Variants in RP1 observed in about 807,000 individuals in gnomAD.
The protein encoded by RP1 is RP1 axonemal microtubule associated, also known as oxygen-regulated protein 1.
A neutral mutation model predicts 14.8 loss-of-function variants in RP1; 16 were observed. The observed-to-expected ratio is 1.08, with a 90% confidence interval of 0.73 to 1.65. RP1 has a LOEUF of 1.65. RP1 is among the 40% of genes most tolerant of loss of function. RP1 has a pLI of 0.00. For synonymous variants in RP1, 876 were observed against 883.6 expected (o/e 0.99, Z 0.15); for missense variants, 2,631 against 2,535.0 (o/e 1.04, Z -0.81).
intron 12 of RP1, among the ~76,000 whole-genome samples, chr8:54,693,199 C>G (rs189516085): frequency 1.2e-3 from 185 of 152,266 alleles, no homozygotes; most frequent in Non-Finnish European, 2.2e-3. Context: ...GTACCATTAC[C>G]ATGCCGTTTT....
At chr8:54,796,869 G>A (rs1390470449) in intron 24 of RP1, among the ~76,000 whole-genome samples, 1 of 152,142 alleles carries the variant, frequency 6.6e-6, no homozygotes, top group Non-Finnish European at 1.5e-5. Context: ...GAACGAAAAT[G>A]GAAAGAAAAT....
chr8:54,777,639 G>T (rs1810075310), intron 23 of RP1, among the ~76,000 whole-genome samples: 1 of 151,916 alleles, frequency 6.6e-6, no homozygotes, highest in South Asian at 2.1e-4. Context: ...TATTTGTAAA[G>T]CACTTAAAAA....
At chr8:54,733,158 G>A (rs1030396683) in intron 17 of RP1, among the ~76,000 whole-genome samples, 1 of 152,148 alleles carries the variant, frequency 6.6e-6, no homozygotes, top group Non-Finnish European at 1.5e-5. Flanking sequence ...AAGTGCAGGT[G>A]CGTTGCAGTT....
At position 54,706,588 on chromosome 8, in the gene RP1, G is replaced by A. The variant is rs551530968; in HGVS notation, c.2144G>A (p.Cys715Tyr). ...GTGCATAAAATCAGCTCTGGGATTT[G>A]CATGTTTGAAAGTGTGAAAAATGCA... The change falls in exon 15 of 23, where the codon TGC becomes TAC. Residue 715 changes from cysteine to tyrosine, a missense_variant. By Grantham distance (194) the Cys-to-Tyr change is radical. Coordinates refer to the RP1 transcript ENST00000636932. 7 of 1,536,074 alleles carry A rather than the reference G, an allele frequency of 4.6e-6. No homozygotes were observed. In the African/African-American group the frequency reaches 5.5e-5, roughly 12 times the overall value.
chr8:54,693,426 A>C (rs1237982179), intron 12 of RP1, among the ~76,000 whole-genome samples: 1 of 152,032 alleles, frequency 6.6e-6, no homozygotes, highest in East Asian at 1.9e-4. Flanking sequence ...CCATTTTCAC[A>C]ATATTGATTC....
At position 54,708,890 on chromosome 8, in the gene RP1, T is replaced by C. The variant is rs368820392; in HGVS notation, c.2211+2235T>C. ...GATGGGGCTGAGGGACTGGAAGAAGTCCTTGGCATTCAATTGAAAGAATCT... is the reference window on the plus strand; with the variant it reads ...GATGGGGCTGAGGGACTGGAAGAAGCCCTTGGCATTCAATTGAAAGAATCT... On this transcript the variant is annotated intron_variant, in intron 15 of 22. Coordinates refer to the RP1 transcript ENST00000636932. Among the ~76,000 whole-genome samples, 35 of 152,304 alleles carry C rather than the reference T, an allele frequency of 2.3e-4. No individual in the cohort carries two copies. In the East Asian group the frequency reaches 5.6e-3, roughly 24 times the overall value.
chr8:54,562,334 A>G (rs955885669), intron 1 of RP1, among the ~76,000 whole-genome samples: 2 of 152,252 alleles, frequency 1.3e-5, no homozygotes, highest in African/African-American at 2.4e-5. Flanking sequence ...CAGAGAACGC[A>G]TGCCTGAGGC....
chr8:54,764,227 C>T (rs528877889), intron 22 of RP1, among the ~76,000 whole-genome samples: 2 of 152,232 alleles, frequency 1.3e-5, no homozygotes, highest in Non-Finnish European at 2.9e-5. Flanking sequence ...TCTGGGGGAA[C>T]CTTTGCAGCC....
At chr8:54,844,516 G>T in intron 25 of RP1, among the ~76,000 whole-genome samples, 1 of 151,426 alleles carries the variant, frequency 6.6e-6, no homozygotes, top group South Asian at 2.1e-4. Flanking sequence ...CTGTGTGTGC[G>T]TATGTGTGTG....
intron 24 of RP1, among the ~76,000 whole-genome samples, chr8:54,815,682 G>A (rs6980841): frequency 0.3 from 46,215 of 152,008 alleles, 7,201 homozygotes; most frequent in South Asian, 0.37. Context: ...TACAAAAACA[G>A]AAGTGTGTGT....
At chr8:54,622,724 G>T (rs2129315006) in intron 3 of RP1, among the ~76,000 whole-genome samples, 1 of 152,244 alleles carries the variant, frequency 6.6e-6, no homozygotes, top group South Asian at 2.1e-4. Flanking sequence ...TCTGCCTTCT[G>T]AAGTTATTCC....
At chr8:54,855,860 C>T (rs1812182033) in intron 26 of RP1, among the ~76,000 whole-genome samples, 1 of 151,870 alleles carries the variant, frequency 6.6e-6, no homozygotes, top group Non-Finnish European at 1.5e-5. Context: ...ACCTGTGGAG[C>T]ACTTTGAACT....
intron 12 of RP1, among the ~76,000 whole-genome samples, chr8:54,692,699 T>C (rs529257838): frequency 4.1e-4 from 60 of 146,666 alleles, no homozygotes; most frequent in African/African-American, 1.5e-3. Flanking sequence ...TTGAGTTCAT[T>C]GTAGATTCTG....
chr8:54,853,341 A>G (rs1643124411), intron 26 of RP1, among the ~76,000 whole-genome samples: 1 of 152,166 alleles, frequency 6.6e-6, no homozygotes, highest in Admixed American at 6.5e-5. Flanking sequence ...GCAGCAGTGA[A>G]GGAAGGCAGA....
At chr8:54,698,375 T>C (rs1314215361) in intron 12 of RP1, among the ~76,000 whole-genome samples, 2 of 152,112 alleles carry the variant, frequency 1.3e-5, no homozygotes, top group African/African-American at 4.8e-5. Context: ...ATCATTAAAA[T>C]GTCAGGAAAC....
intron 14 of RP1, among the ~76,000 whole-genome samples, chr8:54,703,961 T>C (rs972400311): frequency 6.6e-6 from 1 of 152,182 alleles, no homozygotes; most frequent in Non-Finnish European, 1.5e-5. Flanking sequence ...GCCTTGCTCT[T>C]GGGGTTAGGC....
intron 1 of RP1, among the ~76,000 whole-genome samples, chr8:54,595,275 G>T (rs1248949761): frequency 6.6e-6 from 1 of 151,728 alleles, no homozygotes; most frequent in African/African-American, 2.4e-5. Flanking sequence ...GACTACAGGC[G>T]CCCGCCACCA....
intron 24 of RP1, among the ~76,000 whole-genome samples, chr8:54,803,071 T>G (rs1439476203): frequency 6.6e-6 from 1 of 152,172 alleles, no homozygotes. Flanking sequence ...ACAGCAACAT[T>G]TACCCTTTTT....
chr8:54,833,685 T>C (rs1343460818), intron 24 of RP1, among the ~76,000 whole-genome samples: 2 of 152,088 alleles, frequency 1.3e-5, no homozygotes, highest in Non-Finnish European at 2.9e-5. Flanking sequence ...GTTGAAAATA[T>C]AGACTTCGTA....
Sources: allele counts gnomAD v4.1 joint callset (sites outside exome capture counted in the v4.1 genomes callset), GRCh38; gene constraint gnomAD v4.1.1; transcripts MANE v1.5; gene names NCBI Gene and HGNC (gene_info 2026-07-23, HGNC 2026-07-21).